Variants in ARHGAP6 observed in about 807,000 individuals in gnomAD.
ARHGAP6 encodes rho GTPase-activating protein 6.
A neutral mutation model predicts 55.7 loss-of-function variants in ARHGAP6; 16 were observed. The observed-to-expected ratio is 0.29, with a 90% confidence interval of 0.19 to 0.44. The LOEUF (loss-of-function observed/expected upper bound fraction) is 0.44. Ranked by LOEUF, ARHGAP6 falls within the 20% of genes least tolerant of loss-of-function variation. The probability of loss-of-function intolerance (pLI) is 1.00; values close to 1 mark genes in which losing one functional copy is unlikely to be tolerated. For synonymous variants in ARHGAP6, 382 were observed against 360.9 expected (o/e 1.06, Z -0.66); for missense variants, 698 against 808.9 (o/e 0.86, Z 1.66).
intron 1 of ARHGAP6, among the ~76,000 whole-genome samples, chrX:11,429,686 C>T (rs1004785934): frequency 9.0e-5 from 10 of 111,576 alleles, no homozygotes; most frequent in Non-Finnish European, 1.9e-5. Context: ...AATGAGCATG[C>T]CCATTGACCT....
chrX:11,327,898 T>C (rs1444609587), intron 1 of ARHGAP6, among the ~76,000 whole-genome samples: 1 of 112,077 alleles, frequency 8.9e-6, no homozygotes, highest in Admixed American at 9.4e-5. Flanking sequence ...TTGATTATTC[T>C]ACACCATTAC....
intron 1 of ARHGAP6, among the ~76,000 whole-genome samples, chrX:11,454,195 C>T (rs2050174285): frequency 9.7e-6 from 1 of 103,220 alleles, no homozygotes; most frequent in Non-Finnish European, 2.0e-5. Flanking sequence ...CTCCTGACCT[C>T]ATGACACGCC....
At chrX:11,402,394 A>C (rs1446123935) in intron 1 of ARHGAP6, among the ~76,000 whole-genome samples, 1 of 111,297 alleles carries the variant, frequency 9.0e-6, no homozygotes. Context: ...TGCCTAATTT[A>C]AGCAAGACTT....
intron 1 of ARHGAP6, among the ~76,000 whole-genome samples, chrX:11,608,858 A>C (rs180766177): frequency 1.1e-4 from 12 of 111,472 alleles, no homozygotes; most frequent in East Asian, 8.5e-4. Flanking sequence ...CCATGTGGAA[A>C]TGTAAGTCTA....
chrX:11,426,382 G>T (rs1183099347), intron 1 of ARHGAP6, among the ~76,000 whole-genome samples: 2 of 110,033 alleles, frequency 1.8e-5, no homozygotes, highest in Admixed American at 9.6e-5. Context: ...TTATGTTGGG[G>T]ACTGGATTTT....
chrX:11,163,923 G>C (rs977839044), intron 9 of ARHGAP6, among the ~76,000 whole-genome samples: 5 of 112,456 alleles, frequency 4.4e-5, no homozygotes, highest in African/African-American at 1.6e-4. Flanking sequence ...ACAGGTTAAA[G>C]GGAGTGGGAA....
intron 7 of ARHGAP6, among the ~76,000 whole-genome samples, chrX:11,178,489 A>G (rs1446567337): frequency 1.8e-5 from 2 of 110,935 alleles, no homozygotes; most frequent in Non-Finnish European, 3.8e-5. Flanking sequence ...CAGGTAAAAA[A>G]AAAAAAAAGG....
At chrX:11,294,981 C>T (rs1261803777) in intron 1 of ARHGAP6, 1 of 690,558 alleles carries the variant, frequency 1.4e-6, no homozygotes, top group Non-Finnish European at 2.3e-6. Flanking sequence ...TGAAGAAACA[C>T]TTCAGGAGCT....
At chrX:11,213,163 AC>A (rs2046830957) in intron 2 of ARHGAP6, among the ~76,000 whole-genome samples, 1 of 112,486 alleles carries the variant, frequency 8.9e-6, no homozygotes, top group African/African-American at 3.2e-5. Context: ...CTAGGACCTC[AC>A]CCCCGGGCTC....
intron 1 of ARHGAP6, among the ~76,000 whole-genome samples, chrX:11,379,998 A>G (rs1350820053): frequency 8.9e-6 from 1 of 111,887 alleles, no homozygotes; most frequent in African/African-American, 3.2e-5. Flanking sequence ...TAAAATACCA[A>G]GTGATGAGCA....
Position 11,664,972 on chromosome X carries a change from A to G in ARHGAP6, c.-144T>C, listed in dbSNP as rs1168939731. 2 of 535,950 alleles carry G rather than the reference A, an allele frequency of 3.7e-6. No homozygotes were observed. Among genetic ancestry groups the G allele is most frequent in the Non-Finnish European group, 5.6e-6 (2 of 356,185 alleles). The allele number at this position is 535,950 out of a possible 1,213,427, so 44.2% of individuals were successfully genotyped here. A position where few individuals can be genotyped will look rare whatever the true frequency, so the allele number is the denominator to read the frequency against. ...CCCAGGGCAGTGGAGAGCAAAGCCC[A>G]GCTCACGCGCCGCCGGTGCGCTCCA... On this transcript the variant is annotated 5_prime_UTR_variant, in exon 1 of 13. Coordinates refer to ENST00000337414, the MANE Select transcript of ARHGAP6 (RefSeq NM_013427.3).
At chrX:11,399,368 A>AC (rs1323802655) in intron 1 of ARHGAP6, among the ~76,000 whole-genome samples, 10 of 108,953 alleles carry the variant, frequency 9.2e-5, no homozygotes, top group Non-Finnish European at 1.5e-4. Flanking sequence ...AAAAAAAAAA[A>AC]AAAAAAAAAC....
intron 1 of ARHGAP6, among the ~76,000 whole-genome samples, chrX:11,562,090 T>C (rs1334398097): frequency 9.0e-6 from 1 of 111,587 alleles, no homozygotes; most frequent in Non-Finnish European, 1.9e-5. Context: ...CAGGAGCTCA[T>C]AGGAAGGGCA....
intron 1 of ARHGAP6, among the ~76,000 whole-genome samples, chrX:11,611,644 C>A (rs185378048): frequency 8.9e-6 from 1 of 111,809 alleles, no homozygotes; most frequent in African/African-American, 3.2e-5. Flanking sequence ...CCAAAGGAAG[C>A]GCACAATGAA....
In ARHGAP6 at chrX:11,630,317, C is replaced by T. The variant is rs777396768; in HGVS notation, c.588+33924G>A. Among the ~76,000 whole-genome samples the T allele has an allele frequency of 3.6e-5, 4 of 111,947 alleles. No individual in the cohort carries two copies. In the South Asian group the frequency reaches 1.5e-3, roughly 42 times the overall value. ...ATCTGATTATAACCTCTTCAATACA[C>T]TATTTAGGCTACTTGTAAAAGCAAG... On this transcript the variant is annotated intron_variant, in intron 1 of 12. Coordinates refer to ENST00000337414, the MANE Select transcript of ARHGAP6 (RefSeq NM_013427.3).
chrX:11,143,166 C>T (rs1184832710), intron 11 of ARHGAP6: 1 of 112,023 alleles, frequency 8.9e-6, no homozygotes, highest in Non-Finnish European at 1.9e-5. Context: ...TTTATAGCAG[C>T]AGACGTCTAC....
At chrX:11,564,583 A>G (rs1428466736) in intron 1 of ARHGAP6, among the ~76,000 whole-genome samples, 2 of 111,678 alleles carry the variant, frequency 1.8e-5, no homozygotes. Context: ...ACAAAACCTA[A>G]TTATGAATAT....
intron 2 of ARHGAP6, among the ~76,000 whole-genome samples, chrX:11,230,738 G>A (rs1320323004): frequency 9.2e-5 from 10 of 108,852 alleles, no homozygotes; most frequent in Non-Finnish European, 1.3e-4. Context: ...ATGCATATAC[G>A]TATATGTGAA....
intron 1 of ARHGAP6, among the ~76,000 whole-genome samples, chrX:11,611,863 A>G (rs1372746250): frequency 9.1e-6 from 1 of 110,357 alleles, no homozygotes; most frequent in African/African-American, 3.3e-5. Context: ...ATGCAGTGAC[A>G]ACTGAGTGAC....
Sources: gnomAD v4.1 joint callset for allele counts (sites outside exome capture counted in the v4.1 genomes callset) on GRCh38, gnomAD v4.1.1 for gene constraint, MANE v1.5 for transcripts, NCBI Gene and HGNC (gene_info 2026-07-23, HGNC 2026-07-21) for gene names.